Variants in SERPINI1 observed in about 807,000 individuals in gnomAD.
The protein encoded by SERPINI1 is neuroserpin.
Under a neutral mutation model 41.1 loss-of-function variants are expected in SERPINI1, and 19 were observed. That is an observed-to-expected ratio of 0.46 (90% CI 0.32 to 0.68). The LOEUF is 0.68. SERPINI1 is among the 30% of genes least tolerant of loss of function. The probability of loss-of-function intolerance (pLI) is 0.03; values close to 1 mark genes in which losing one functional copy is unlikely to be tolerated. For missense variants in SERPINI1, 460 were observed against 479.2 expected, an observed-to-expected ratio of 0.96 and a Z score of 0.37; for synonymous variants, 138 against 156.6, an observed-to-expected ratio of 0.88 and a Z score of 0.89.
intron 1 of SERPINI1, among the ~76,000 whole-genome samples, chr3:167,748,472 G>T (rs193036369): frequency 1.3e-5 from 2 of 152,258 alleles, no homozygotes; most frequent in Admixed American, 1.3e-4. Flanking sequence ...TAGAACTAAC[G>T]TCGCTAAACC....
intron 6 of SERPINI1, among the ~76,000 whole-genome samples, chr3:167,812,040 G>A (rs1711907485): frequency 6.6e-6 from 1 of 152,050 alleles, no homozygotes; most frequent in Non-Finnish European, 1.5e-5. Flanking sequence ...TAGAAAAACG[G>A]AGTGACTTGA....
chr3:167,753,830 A>G (rs922012648), intron 1 of SERPINI1, among the ~76,000 whole-genome samples: 1 of 152,252 alleles, frequency 6.6e-6, no homozygotes, highest in African/African-American at 2.4e-5. Flanking sequence ...TAAAGAATGT[A>G]TATTAAAAAA....
At chr3:167,805,062 A>G (rs1711581579) in intron 5 of SERPINI1, among the ~76,000 whole-genome samples, 1 of 152,112 alleles carries the variant, frequency 6.6e-6, no homozygotes, top group African/African-American at 2.4e-5. Context: ...ATTGATACAC[A>G]TTTATATATA....
At chr3:167,792,023 G>GC (rs762372357) in intron 3 of SERPINI1, among the ~76,000 whole-genome samples, 3 of 152,134 alleles carry the variant, frequency 2.0e-5, no homozygotes, top group Admixed American at 6.6e-5. Context: ...TGTTCAGGAG[G>GC]CTGAGGCATG....
chr3:167,823,772 T>C (rs1252976025), intron 7 of SERPINI1, among the ~76,000 whole-genome samples: 1 of 152,206 alleles, frequency 6.6e-6, no homozygotes, highest in Non-Finnish European at 1.5e-5. Flanking sequence ...CATGATAGGA[T>C]AGTATTTTCC....
chr3:167,789,907 C>G (rs1385242723), intron 2 of SERPINI1, among the ~76,000 whole-genome samples: 2 of 152,040 alleles, frequency 1.3e-5, no homozygotes, highest in African/African-American at 4.8e-5. Flanking sequence ...TGTTTGATTT[C>G]TATTTTAATG....
chr3:167,784,890 A>G (rs1304228470), intron 1 of SERPINI1, among the ~76,000 whole-genome samples: 3 of 152,202 alleles, frequency 2.0e-5, no homozygotes. Flanking sequence ...TTAAAAAAAT[A>G]TAGATACCTA....
chr3:167,810,414 T>C (rs1711829999), intron 6 of SERPINI1, among the ~76,000 whole-genome samples: 2 of 152,200 alleles, frequency 1.3e-5, no homozygotes, highest in African/African-American at 4.8e-5. Context: ...CTAAAGTGAA[T>C]ATTCCAATAA....
At chr3:167,793,806 G>A (rs78100705) in intron 4 of SERPINI1, among the ~76,000 whole-genome samples, 16,929 of 144,756 alleles carry the variant, frequency 0.12, 1,243 homozygotes, top group African/African-American at 0.2. Context: ...TATACTGTGT[G>A]TATATATATA....
intron 3 of SERPINI1, among the ~76,000 whole-genome samples, chr3:167,790,910 A>G (rs1172082316): frequency 6.6e-6 from 1 of 152,148 alleles, no homozygotes; most frequent in African/African-American, 2.4e-5. Context: ...GTCCTATTTA[A>G]TAAATTAGTT....
At chr3:167,785,784 A>G (rs1186694572) in intron 1 of SERPINI1, among the ~76,000 whole-genome samples, 2 of 152,212 alleles carry the variant, frequency 1.3e-5, no homozygotes, top group East Asian at 3.8e-4. Context: ...TTTGTTTTAT[A>G]CAAATACAAT....
At chr3:167,752,632 A>G (rs1416432105) in intron 1 of SERPINI1, among the ~76,000 whole-genome samples, 1 of 151,836 alleles carries the variant, frequency 6.6e-6, no homozygotes, top group African/African-American at 2.4e-5. Context: ...GAGACTCCCC[A>G]TACTCTCTCC....
intron 1 of SERPINI1, among the ~76,000 whole-genome samples, chr3:167,754,901 C>T (rs1433430127): frequency 6.6e-6 from 1 of 152,186 alleles, no homozygotes; most frequent in Non-Finnish European, 1.5e-5. Context: ...TCCCTGCTAG[C>T]ACTTTTTCAT....
intron 5 of SERPINI1, among the ~76,000 whole-genome samples, 198 bp downstream of exon 5, chr3:167,795,022 T>C (rs549737212): frequency 6.6e-6 from 1 of 152,288 alleles, no homozygotes; most frequent in South Asian, 2.1e-4. Flanking sequence ...CATAGTCATT[T>C]CTTTCATACT....
intron 1 of SERPINI1, among the ~76,000 whole-genome samples, chr3:167,772,134 TA>T (rs1726776873): frequency 1.3e-5 from 2 of 152,244 alleles, no homozygotes; most frequent in Non-Finnish European, 2.9e-5. Context: ...ATAGGCTTGT[TA>T]TGAGCATTAG....
intron 5 of SERPINI1, among the ~76,000 whole-genome samples, chr3:167,802,625 C>A (rs1727939069): frequency 6.7e-6 from 1 of 149,038 alleles, no homozygotes; most frequent in Non-Finnish European, 1.5e-5. Context: ...AGTCAGGAAA[C>A]AACAGGTGCT....
intron 1 of SERPINI1, among the ~76,000 whole-genome samples, chr3:167,749,915 T>C (rs1256583886): frequency 7.2e-5 from 11 of 152,210 alleles, no homozygotes; most frequent in African/African-American, 1.4e-4. Flanking sequence ...TGCAGAGACA[T>C]AAGCTGTGGG....
chr3:167,799,500 C>T (rs1378176507), intron 5 of SERPINI1, among the ~76,000 whole-genome samples: 1 of 152,208 alleles, frequency 6.6e-6, no homozygotes, highest in Non-Finnish European at 1.5e-5. Flanking sequence ...CTGCAATAAA[C>T]ATACGTGTGT....
intron 6 of SERPINI1, among the ~76,000 whole-genome samples, chr3:167,809,942 C>T (rs1281890532): frequency 6.6e-6 from 1 of 152,112 alleles, no homozygotes; most frequent in East Asian, 1.9e-4. Flanking sequence ...CTAAAGCAAA[C>T]TTCCCAGTCT....
Sources: allele counts gnomAD v4.1 joint callset (sites outside exome capture counted in the v4.1 genomes callset), GRCh38; gene constraint gnomAD v4.1.1; transcripts MANE v1.5; gene names NCBI Gene and HGNC (gene_info 2026-07-23, HGNC 2026-07-21).